SPON1: variants seen among roughly 807,000 people sequenced by gnomAD.
SPON1 encodes spondin 1.
SPON1 carries 52 observed loss-of-function variants against 111.7 expected under a neutral mutation model. That is an observed-to-expected ratio of 0.47 (90% CI 0.37 to 0.59). SPON1 has a LOEUF of 0.59. Ranked by LOEUF, SPON1 falls within the 20% of genes least tolerant of loss-of-function variation. The probability of loss-of-function intolerance (pLI) is 0.00; values close to 1 mark genes in which losing one functional copy is unlikely to be tolerated. For synonymous variants in SPON1, 410 were observed against 395.8 expected, an observed-to-expected ratio of 1.04 and a Z score of -0.43; for missense variants, 957 against 1,068.5, an observed-to-expected ratio of 0.90 and a Z score of 1.46.
At chr11:14,041,805 T>C (rs1417179269) in intron 3 of SPON1, among the ~76,000 whole-genome samples, 151 bp downstream of exon 3, 1 of 152,130 alleles carries the variant, frequency 6.6e-6, no homozygotes, top group East Asian at 1.9e-4. Flanking sequence ...CCATAGACTA[T>C]CATTGGTGAA....
rs200485714 is a variant in SPON1, at chr11:14,088,332, C to CA, written c.676+8315dup. On this transcript the variant is annotated intron_variant, in intron 5 of 15. Coordinates refer to ENST00000576479, the MANE Select transcript of SPON1 (RefSeq NM_006108.4). ...TCTTGTAAGGCATGCCTGTTGGTGA[C>CA]AAAATCCCTCAGCATTTGCTTGTCT... Among the ~76,000 whole-genome samples the CA allele has an allele frequency of 9.3e-4, 142 of 152,282 alleles. 1 individual carries two copies. The highest frequency in any genetic ancestry group is 3.2e-3 in the African/African-American group (134 of 41,544).
intron 6 of SPON1, among the ~76,000 whole-genome samples, chr11:14,217,135 A>G (rs954289300): frequency 2.0e-5 from 3 of 152,096 alleles, no homozygotes; most frequent in African/African-American, 7.2e-5. Context: ...TCCATTTTTC[A>G]TCCCACTCCA....
intron 1 of SPON1, among the ~76,000 whole-genome samples, chr11:13,973,367 C>T (rs1848077957): frequency 6.6e-6 from 1 of 152,206 alleles, no homozygotes; most frequent in South Asian, 2.1e-4. Flanking sequence ...GTGGGGGTCC[C>T]CCAGAGCTTC....
At chr11:14,131,273 G>C (rs529826441) in intron 5 of SPON1, among the ~76,000 whole-genome samples, 1 of 152,252 alleles carries the variant, frequency 6.6e-6, no homozygotes, top group East Asian at 1.9e-4. Flanking sequence ...CTCCTTCCTT[G>C]CTCTGTGAGC....
chr11:14,259,997 A>G lies in SPON1; in HGVS notation c.1831+296A>G, dbSNP rs1404220913. ...TGTTTTATAGGAGTGTCTTTCTTGC[A>G]GTGGTGGGGAGGAGGGCCAATACAT... On this transcript the variant is annotated intron_variant, in intron 13 of 15. Transcript: ENST00000576479. This position sits in a 1 kb window ranked among gnomAD's most constrained non-coding sequence, Gnocchi z 5.0. Among the ~76,000 whole-genome samples, 4 of 152,138 alleles carry G rather than the reference A, an allele frequency of 2.6e-5. No homozygotes were observed. The highest frequency in any genetic ancestry group is 2.0e-4 in the Admixed American group (3 of 15,262).
intron 2 of SPON1, among the ~76,000 whole-genome samples, chr11:13,996,602 A>C (rs1269378708): frequency 6.6e-6 from 1 of 152,230 alleles, no homozygotes; most frequent in Non-Finnish European, 1.5e-5. Context: ...ATACAGAGAA[A>C]GATAAAAAAG....
chr11:14,065,695 A>G (rs1591365985), intron 3 of SPON1, among the ~76,000 whole-genome samples: 2 of 152,228 alleles, frequency 1.3e-5, no homozygotes, highest in Admixed American at 1.3e-4. Flanking sequence ...CTACTGTCAT[A>G]TATTTCAGAC....
At chr11:14,222,873 A>G (rs1481525518) in intron 6 of SPON1, among the ~76,000 whole-genome samples, 1 of 152,202 alleles carries the variant, frequency 6.6e-6, no homozygotes, top group East Asian at 1.9e-4. Context: ...GAGGTGGGAA[A>G]AGATGCATGT....
At chr11:14,191,856 A>G (rs1023344693) in intron 6 of SPON1, among the ~76,000 whole-genome samples, 1 of 152,180 alleles carries the variant, frequency 6.6e-6, no homozygotes, top group Non-Finnish European at 1.5e-5. Flanking sequence ...TTCAACTTTC[A>G]AATAATCTTT....
chr11:14,255,593 G>A, intron 8 of SPON1, 54 bp from the exon 9 acceptor site: 2 of 1,576,536 alleles, frequency 1.3e-6, no homozygotes, highest in Non-Finnish European at 1.7e-6. Flanking sequence ...AATGGCTTTT[G>A]TGGGTTTTCC....
intron 5 of SPON1, among the ~76,000 whole-genome samples, chr11:14,116,748 T>C (rs1344404861): frequency 6.9e-6 from 1 of 145,924 alleles, no homozygotes; most frequent in East Asian, 1.9e-4. Flanking sequence ...TCGATTTATA[T>C]TTTTAAAAAA....
intron 5 of SPON1, among the ~76,000 whole-genome samples, chr11:14,102,237 A>G (rs1256711291): frequency 2.0e-5 from 3 of 152,192 alleles, no homozygotes; most frequent in Non-Finnish European, 4.4e-5. Context: ...ATATCACTAT[A>G]ATGTAAACCA....
At position 14,266,436 on chromosome 11, in the gene SPON1, AG is replaced by A. The variant is rs1225460691; in HGVS notation, c.*751del. ...TTTTCCCTTGCTTTTGGGGGTTCAG[AG>A]GAGTATGTACAATTCTTCTGGGAAG... On this transcript the variant is annotated 3_prime_UTR_variant, in exon 16 of 16. Transcript: ENST00000576479. 6.6e-6 allele frequency: 1 copy of A among 152,148 alleles called. No homozygotes were observed. Among genetic ancestry groups the A allele is most frequent in the African/African-American group, 2.4e-5 (1 of 41,426 alleles). 9.4% of individuals were successfully genotyped at this position (152,148 alleles called of 1,614,324 possible). A position where few individuals can be genotyped will look rare whatever the true frequency, so the allele number is the denominator to read the frequency against.
chr11:14,209,269 T>A (rs1848548323), intron 6 of SPON1, among the ~76,000 whole-genome samples: 1 of 152,118 alleles, frequency 6.6e-6, no homozygotes, highest in Admixed American at 6.6e-5. Context: ...GAAAAATAAT[T>A]TTTTTATTAT....
chr11:14,008,707 A>G (rs1432765024), intron 2 of SPON1, among the ~76,000 whole-genome samples: 1 of 152,140 alleles, frequency 6.6e-6, no homozygotes, highest in Middle Eastern at 3.2e-3. Flanking sequence ...GGCTCTGGAT[A>G]CCACTCTCTC....
intron 6 of SPON1, among the ~76,000 whole-genome samples, chr11:14,159,595 G>A (rs1847887091): frequency 6.6e-6 from 1 of 152,088 alleles, no homozygotes; most frequent in African/African-American, 2.4e-5. Flanking sequence ...CATATTTGTT[G>A]CAGCACTGTT....
intron 2 of SPON1, among the ~76,000 whole-genome samples, chr11:14,036,204 T>C (rs569957480): frequency 9.2e-5 from 14 of 152,208 alleles, no homozygotes; most frequent in Non-Finnish European, 1.8e-4. Flanking sequence ...GATAATTATA[T>C]TGTAATGATA....
At chr11:14,265,368 TACG>T (rs1849252778) in intron 15 of SPON1, among the ~76,000 whole-genome samples, 153 bp from the exon 16 acceptor site, 2 of 152,312 alleles carry the variant, frequency 1.3e-5, no homozygotes, top group African/African-American at 4.8e-5. Flanking sequence ...GTCAGTCACA[TACG>T]ACCTAACTGT....
chr11:14,009,520 A>T (rs1848388638), intron 2 of SPON1, among the ~76,000 whole-genome samples: 1 of 152,238 alleles, frequency 6.6e-6, no homozygotes, highest in Non-Finnish European at 1.5e-5. Flanking sequence ...CCTTAGCACC[A>T]TTATATGCTC....
Sources: gnomAD v4.1 joint callset for allele counts (sites outside exome capture counted in the v4.1 genomes callset) on GRCh38, gnomAD v4.1.1 for gene constraint, Gnocchi (gnomAD v3.1) non-coding constraint, MANE v1.5 for transcripts, NCBI Gene and HGNC (gene_info 2026-07-23, HGNC 2026-07-21) for gene names.